The following GNA14 variants were observed in gnomAD, a reference collection of about 807,000 sequenced individuals.
GNA14 encodes the protein G protein subunit alpha 14.
Under a neutral mutation model 42.0 loss-of-function variants are expected in GNA14, and 50 were observed. The ratio of observed to expected loss-of-function variants is 1.19; its 90% CI spans 0.95 to 1.51. GNA14 has a LOEUF of 1.51. Ranked by LOEUF, GNA14 falls within the 40% of genes most tolerant of loss-of-function variation. The pLI is 0.00. For synonymous variants in GNA14, 173 were observed against 163.1 expected, an observed-to-expected ratio of 1.06 and a Z score of -0.46; for missense variants, 473 against 446.2, an observed-to-expected ratio of 1.06 and a Z score of -0.54.
At chr9:77,544,507 A>G (rs541682183) in intron 1 of GNA14, among the ~76,000 whole-genome samples, 1 of 152,180 alleles carries the variant, frequency 6.6e-6, no homozygotes, top group East Asian at 1.9e-4. Flanking sequence ...GTTCAAGACC[A>G]GCCTGGCCAA....
At chr9:77,468,488 G>A (rs1339831730) in intron 2 of GNA14, among the ~76,000 whole-genome samples, 2 of 152,096 alleles carry the variant, frequency 1.3e-5, no homozygotes, top group Non-Finnish European at 2.9e-5. Context: ...GATCTGAAGT[G>A]GCCATCCTGT....
intron 2 of GNA14, among the ~76,000 whole-genome samples, chr9:77,472,233 C>G (rs1836344964): frequency 6.6e-6 from 1 of 152,172 alleles, no homozygotes. Flanking sequence ...AGCATATCAG[C>G]ACTTTCTTTG....
At chr9:77,439,127 C>T (rs567071419) in intron 2 of GNA14, among the ~76,000 whole-genome samples, 4 of 152,276 alleles carry the variant, frequency 2.6e-5, no homozygotes, top group Admixed American at 2.6e-4. Flanking sequence ...AATGGCCCAG[C>T]AAGGGTCTGT....
intron 2 of GNA14, among the ~76,000 whole-genome samples, chr9:77,500,410 T>C (rs1462485435): frequency 6.6e-6 from 1 of 152,232 alleles, no homozygotes; most frequent in African/African-American, 2.4e-5. Flanking sequence ...AAGATTCACA[T>C]GAGGTTGTAA....
chr9:77,465,421 G>A (rs1201878278), intron 2 of GNA14, among the ~76,000 whole-genome samples: 1 of 152,096 alleles, frequency 6.6e-6, no homozygotes, highest in Non-Finnish European at 1.5e-5. Flanking sequence ...CCTTCGTTGA[G>A]GCCATTTGGA....
intron 2 of GNA14, among the ~76,000 whole-genome samples, chr9:77,486,871 T>C (rs1466163544): frequency 6.6e-6 from 1 of 152,130 alleles, no homozygotes; most frequent in African/African-American, 2.4e-5. Flanking sequence ...CCACAGATCA[T>C]CATAATGGAT....
At chr9:77,489,140 T>C (rs185484796) in intron 2 of GNA14, among the ~76,000 whole-genome samples, 5 of 151,770 alleles carry the variant, frequency 3.3e-5, no homozygotes, top group Non-Finnish European at 5.9e-5. Context: ...ACTGAAAGAC[T>C]CATTAAAAGC....
chr9:77,488,891 C>A (rs1587794437), intron 2 of GNA14, among the ~76,000 whole-genome samples: 1 of 146,220 alleles, frequency 6.8e-6, no homozygotes, highest in East Asian at 2.0e-4. Flanking sequence ...CATGAAACAA[C>A]AGCAAACAGG....
intron 1 of GNA14, among the ~76,000 whole-genome samples, chr9:77,626,752 T>C (rs1024580100): frequency 3.3e-5 from 5 of 152,146 alleles, no homozygotes; most frequent in African/African-American, 7.2e-5. Flanking sequence ...GAAGTAAATT[T>C]ATAGCACTAA....
chr9:77,458,075 G>A (rs571826331), intron 2 of GNA14, among the ~76,000 whole-genome samples: 2 of 152,276 alleles, frequency 1.3e-5, no homozygotes, highest in South Asian at 4.1e-4. Context: ...AGGCATTTCT[G>A]CCTGGGATCG....
intron 2 of GNA14, among the ~76,000 whole-genome samples, chr9:77,513,433 T>C (rs922033163): frequency 6.6e-6 from 1 of 152,234 alleles, no homozygotes; most frequent in Non-Finnish European, 1.5e-5. Context: ...TGAAGAACTA[T>C]TTAAGATAAA....
chr9:77,567,521 C>G (rs1017491896), intron 1 of GNA14, among the ~76,000 whole-genome samples: 4 of 152,094 alleles, frequency 2.6e-5, no homozygotes, highest in African/African-American at 9.7e-5. Context: ...AACTAGTCAC[C>G]ATTTTCTTCC....
chr9:77,482,565 G>A lies in GNA14; in HGVS notation c.309+46504C>T, dbSNP rs1836575343. Among the ~76,000 whole-genome samples, 3 of 152,178 alleles carry A rather than the reference G, an allele frequency of 2.0e-5. No homozygotes were observed. The East Asian group carries it at 5.8e-4, about 29-fold the overall frequency. On this transcript the variant is annotated intron_variant, in intron 2 of 6. Transcript: ENST00000341700. ...TGCTCGTCTTGAAGAGTATCTTTGT[G>A]GAGTTCTCTGTATTTCCTGAATCTG... is the stretch of plus-strand genomic sequence containing the variant.
intron 1 of GNA14, among the ~76,000 whole-genome samples, chr9:77,547,355 A>G (rs1262578423): frequency 6.6e-6 from 1 of 152,236 alleles, no homozygotes; most frequent in Non-Finnish European, 1.5e-5. Flanking sequence ...TATTTGATGT[A>G]TCTTCAAAGG....
At chr9:77,506,947 T>C (rs952163160) in intron 2 of GNA14, among the ~76,000 whole-genome samples, 1 of 152,206 alleles carries the variant, frequency 6.6e-6, no homozygotes, top group African/African-American at 2.4e-5. Flanking sequence ...CCTCACATTA[T>C]CAGAATGGTT....
At chr9:77,424,195 TAA>T in intron 6 of GNA14, 26 bp from the exon 7 acceptor site, 1 of 1,537,914 alleles carries the variant, frequency 6.5e-7, no homozygotes, top group Admixed American at 1.7e-5. Context: ...ATTACAGGAA[TAA>T]AGACACAGAC....
chr9:77,627,687 C>G (rs1421294514), intron 1 of GNA14, among the ~76,000 whole-genome samples: 1 of 152,142 alleles, frequency 6.6e-6, no homozygotes, highest in Non-Finnish European at 1.5e-5. Context: ...CAATAAAACT[C>G]AACACCCATT....
At chr9:77,514,608 A>ATT (rs34158312) in intron 2 of GNA14, among the ~76,000 whole-genome samples, 30 of 136,712 alleles carry the variant, frequency 2.2e-4, no homozygotes, top group Non-Finnish European at 4.0e-4. Flanking sequence ...ATAATATCAG[A>ATT]TTTTTTTTTT....
intron 2 of GNA14, among the ~76,000 whole-genome samples, chr9:77,438,708 A>G (rs1835679733): frequency 6.6e-6 from 1 of 152,160 alleles, no homozygotes; most frequent in Non-Finnish European, 1.5e-5. Context: ...TTTATCATTC[A>G]TCCTTTCTCC....
Sources: allele counts gnomAD v4.1 joint callset (sites outside exome capture counted in the v4.1 genomes callset), GRCh38; gene constraint gnomAD v4.1.1; transcripts MANE v1.5; gene names NCBI Gene and HGNC (gene_info 2026-07-23, HGNC 2026-07-21).